TESPA1: variants seen among roughly 807,000 people sequenced by gnomAD.
TESPA1 encodes protein TESPA1.
TESPA1 carries 33 observed loss-of-function variants against 57.9 expected under a neutral mutation model. The ratio of observed to expected loss-of-function variants is 0.57; its 90% CI spans 0.43 to 0.76. TESPA1 has a LOEUF of 0.76. Ranked by LOEUF, TESPA1 falls within the 30% of genes least tolerant of loss-of-function variation. The pLI, the probability that TESPA1 is intolerant of heterozygous loss-of-function variation, is 0.00. For synonymous variants in TESPA1, 227 were observed against 228.9 expected (o/e 0.99, Z 0.07); for missense variants, 618 against 632.9 (o/e 0.98, Z 0.25).
intron 3 of TESPA1, among the ~76,000 whole-genome samples, chr12:54,972,955 T>A (rs999409152): frequency 6.6e-6 from 1 of 152,212 alleles, no homozygotes; most frequent in African/African-American, 2.4e-5. Flanking sequence ...TGGGGTCTCA[T>A]AATTTAAAGT....
rs60617829 is a variant in TESPA1 at position 54,950,515 on chromosome 12, G to T, written c.*2-125C>A. ...CTCAGTATTATAAGTGACATTTAAA[G>T]TTATTAGCAGCAGCAGCAAAGAGTC... On this transcript the variant is annotated intron_variant, in intron 10 of 10. Coordinates refer to ENST00000449076, the MANE Select transcript of TESPA1 (RefSeq NM_001136030.3). 3.4e-3 allele frequency: 1,174 copies of T among 346,976 alleles called. 19 individuals are homozygous for T. Among genetic ancestry groups the T allele is most frequent in the African/African-American group, 0.023 (1,083 of 46,630 alleles). The allele number at this position is 346,976 out of a possible 1,614,324, so 21.5% of individuals were successfully genotyped here.
Position 54,974,570 on chromosome 12 carries a change from G to A in TESPA1, c.-8C>T, listed in dbSNP as rs996526016. 3 of 1,561,782 alleles carry A rather than the reference G, an allele frequency of 1.9e-6. No homozygotes were observed. Among genetic ancestry groups the A allele is most frequent in the East Asian group, 2.3e-5 (1 of 43,114 alleles). On this transcript the variant is annotated 5_prime_UTR_variant, in exon 2 of 11. Coordinates refer to ENST00000449076, the MANE Select transcript of TESPA1 (RefSeq NM_001136030.3). The stretch of plus-strand genomic sequence containing the variant: ...CAGCACAGAGGCCTCCATGGCCCTG[G>A]CTCAGACTTCAGGGCCTCCCGTAAC...
chr12:54,979,767 G>C (rs958202863), intron 1 of TESPA1, among the ~76,000 whole-genome samples: 2 of 152,198 alleles, frequency 1.3e-5, no homozygotes, highest in African/African-American at 4.8e-5. Context: ...AAAACCTGTA[G>C]AGGTATGTCA....
At chr12:54,951,993 T>A (rs1454318806) in intron 10 of TESPA1, among the ~76,000 whole-genome samples, 2 of 152,148 alleles carry the variant, frequency 1.3e-5, no homozygotes, top group Non-Finnish European at 2.9e-5. Context: ...CCTTATGGAC[T>A]GTTGTTTGAG....
chr12:54,957,851 G>A (rs1950829484), intron 10 of TESPA1, among the ~76,000 whole-genome samples: 2 of 151,958 alleles, frequency 1.3e-5, no homozygotes, highest in Non-Finnish European at 2.9e-5. Flanking sequence ...CACTTAAGGA[G>A]GCAAAAAAAG....
Position 54,967,217 on chromosome 12 carries a change from G to A in TESPA1, c.276C>T (p.Thr92=), listed in dbSNP as rs1411668836. 3 of 1,612,702 alleles carry A rather than the reference G, an allele frequency of 1.9e-6. No homozygotes were observed. The African/African-American group carries it at 4.0e-5, about 22-fold the overall frequency. Residue 92 remains threonine (T), a synonymous_variant, in exon 5 of 11, where the codon ACC becomes ACT. Transcript: ENST00000449076. ...FIYNGFCSHG[T]SFEDDLTLGA... ...CCAGGGTCAAGTCATCTTCAAAGCT[G>A]GTCCCATGGCTGCAGAAGCCTGTCC...
intron 3 of TESPA1, among the ~76,000 whole-genome samples, chr12:54,968,945 T>C (rs910363815): frequency 2.0e-5 from 3 of 150,832 alleles, no homozygotes; most frequent in African/African-American, 4.9e-5. Context: ...ACAGTGGGAA[T>C]AGGCTTACTA....
At chr12:54,950,484 A>G (rs1262279404) in intron 10 of TESPA1, 94 bp from the exon 11 acceptor site, 1 of 368,452 alleles carries the variant, frequency 2.7e-6, no homozygotes, top group African/African-American at 2.1e-5. Context: ...AGCTGTGGAA[A>G]TGTTTCTCAG....
At chr12:54,966,853 A>G (rs1052397333) in intron 5 of TESPA1, among the ~76,000 whole-genome samples, 6 of 152,084 alleles carry the variant, frequency 3.9e-5, no homozygotes, top group Non-Finnish European at 8.8e-5. Context: ...CAATGCACAG[A>G]CTTGTTTGGA....
rs1332350987 is a variant in TESPA1 at position 54,949,254 on chromosome 12, T to C, written c.*1138A>G. The C allele has an allele frequency of 6.6e-6, 1 of 152,174 alleles. No homozygotes were observed. The highest frequency in any genetic ancestry group is 1.5e-5 in the Non-Finnish European group (1 of 68,030). The allele number at this position is 152,174 out of a possible 1,614,324, so 9.4% of individuals were successfully genotyped here. ...TACGTATCAGACTCAGTTTGTGCCTTCTCCCCTAATGCTGGCAATAGCACC... is the reference window on the plus strand; with the variant it reads ...TACGTATCAGACTCAGTTTGTGCCTCCTCCCCTAATGCTGGCAATAGCACC... On this transcript the variant is annotated 3_prime_UTR_variant, in exon 11 of 11. Transcript: ENST00000449076.
intron 3 of TESPA1, among the ~76,000 whole-genome samples, chr12:54,970,048 T>G (rs1951733285): frequency 6.6e-6 from 1 of 152,164 alleles, no homozygotes; most frequent in Admixed American, 6.5e-5. Context: ...TGCCTCAATC[T>G]CCTGAGTAGC....
chr12:54,959,386 T>C (rs2136076840), intron 10 of TESPA1, among the ~76,000 whole-genome samples: 1 of 152,360 alleles, frequency 6.6e-6, no homozygotes, highest in Non-Finnish European at 1.5e-5. Flanking sequence ...AATGCTCTGC[T>C]GCATTTCAAA....
intron 10 of TESPA1, among the ~76,000 whole-genome samples, chr12:54,958,390 T>A (rs1950864733): frequency 6.6e-6 from 1 of 152,216 alleles, no homozygotes; most frequent in Non-Finnish European, 1.5e-5. Flanking sequence ...TGTTTTTTTA[T>A]AGGTAAGGTG....
chr12:54,960,599 C>T (rs1317958631), intron 10 of TESPA1, among the ~76,000 whole-genome samples: 1 of 152,320 alleles, frequency 6.6e-6, no homozygotes, highest in South Asian at 2.1e-4. Flanking sequence ...AAAACTTCTA[C>T]TACAATGAGT....
chr12:54,973,356 T>C, intron 3 of TESPA1, 121 bp downstream of exon 3: 1 of 1,426,306 alleles, frequency 7.0e-7, no homozygotes, highest in South Asian at 1.2e-5. Flanking sequence ...ATCTCAACCT[T>C]ACTTCTAATC....
intron 3 of TESPA1, 186 bp from the exon 4 acceptor site, chr12:54,968,078 G>C: frequency 2.1e-6 from 3 of 1,441,336 alleles, no homozygotes; most frequent in Non-Finnish European, 2.8e-6. Flanking sequence ...GAAGTAGTTG[G>C]GGAAACTGGG....
At chr12:54,973,627 A>T in intron 2 of TESPA1, 108 bp from the exon 3 acceptor site, 1 of 1,578,764 alleles carries the variant, frequency 6.3e-7, no homozygotes, top group African/African-American at 1.4e-5. Flanking sequence ...TGCGTCATGA[A>T]TCTTTTTTTC....
At chr12:54,974,361 C>T (rs776248890) in intron 2 of TESPA1, 39 bp downstream of exon 2, 7 of 1,523,096 alleles carry the variant, frequency 4.6e-6, no homozygotes, top group Admixed American at 2.0e-5. Context: ...CCTTTTGCCG[C>T]CAGACAACAT....
intron 1 of TESPA1, among the ~76,000 whole-genome samples, chr12:54,978,603 T>C (rs1952212537): frequency 6.6e-6 from 1 of 152,174 alleles, no homozygotes; most frequent in Non-Finnish European, 1.5e-5. Context: ...GACCTTCACA[T>C]TGGATCCAGG....
Sources: allele counts gnomAD v4.1 joint callset (sites outside exome capture counted in the v4.1 genomes callset), GRCh38; gene constraint gnomAD v4.1.1; transcripts MANE v1.5; gene names NCBI Gene and HGNC (gene_info 2026-07-23, HGNC 2026-07-21).